Variants in LRRFIP1 observed in about 807,000 individuals in gnomAD.
LRRFIP1 encodes LRR binding FLII interacting protein 1, also known as leucine-rich repeat flightless-interacting protein 1.
LRRFIP1 carries 62 observed loss-of-function variants against 104.4 expected under a neutral mutation model. That is an observed-to-expected ratio of 0.59 (90% CI 0.48 to 0.73). The LOEUF (loss-of-function observed/expected upper bound fraction) is 0.73. Among genes scored for constraint, LRRFIP1 ranks in the 30% least tolerant of loss-of-function variants. LRRFIP1 has a pLI of 0.00. For missense variants in LRRFIP1, 796 were observed against 824.5 expected (o/e 0.97, Z 0.42); for synonymous variants, 300 against 299.0 (o/e 1.00, Z -0.03).
At chr2:237,628,620 C>T (rs2081928296) in intron 1 of LRRFIP1, among the ~76,000 whole-genome samples, 1 of 152,142 alleles carries the variant, frequency 6.6e-6, no homozygotes, top group South Asian at 2.1e-4. Context: ...AACTGTGTGC[C>T]AGGTGGGTGT....
intron 1 of LRRFIP1, among the ~76,000 whole-genome samples, chr2:237,702,366 ACT>A (rs930215121): frequency 6.6e-6 from 1 of 151,788 alleles, no homozygotes; most frequent in African/African-American, 2.4e-5. Context: ...TTCCTGTAAA[ACT>A]CTGTCTGTGG....
chr2:237,772,842 T>G (rs777597771), intron 21 of LRRFIP1, 24 bp from the exon 22 acceptor site: 1 of 1,537,036 alleles, frequency 6.5e-7, no homozygotes, highest in South Asian at 1.1e-5. Flanking sequence ...GCTTAACAGA[T>G]TTTCCTTCTC....
At chr2:237,647,706 G>A (rs550433704) in intron 1 of LRRFIP1, among the ~76,000 whole-genome samples, 1 of 114,322 alleles carries the variant, frequency 8.7e-6, no homozygotes, top group Admixed American at 8.0e-5. Context: ...TCACCCCGTG[G>A]CCGGCCACTC....
intron 1 of LRRFIP1, among the ~76,000 whole-genome samples, chr2:237,706,518 C>T (rs1048728350): frequency 3.3e-5 from 5 of 152,212 alleles, no homozygotes; most frequent in Non-Finnish European, 7.3e-5. Flanking sequence ...GGAAGGGCTG[C>T]ACTTGGCGTG....
At chr2:237,733,650 C>T in intron 8 of LRRFIP1, 124 bp from the exon 9 acceptor site, 1 of 898,948 alleles carries the variant, frequency 1.1e-6, no homozygotes. Flanking sequence ...CGGTTTGTTT[C>T]TGTTTAACCA....
intron 6 of LRRFIP1, among the ~76,000 whole-genome samples, chr2:237,723,310 G>A (rs2094600716): frequency 6.6e-6 from 1 of 152,180 alleles, no homozygotes; most frequent in Admixed American, 6.5e-5. Flanking sequence ...TTCAGACTTT[G>A]TGAATTATAG....
chr2:237,697,621 C>T (rs1213165742), intron 1 of LRRFIP1, among the ~76,000 whole-genome samples: 4 of 152,172 alleles, frequency 2.6e-5, no homozygotes, highest in Admixed American at 6.5e-5. Context: ...GTGTGCTGCC[C>T]TGGTGCTGGT....
At chr2:237,675,001 G>T (rs559598816) in intron 1 of LRRFIP1, among the ~76,000 whole-genome samples, 1 of 152,232 alleles carries the variant, frequency 6.6e-6, no homozygotes, top group Non-Finnish European at 1.5e-5. Context: ...CCCGGAGCAC[G>T]CTGCTTCCTG....
chr2:237,748,339 A>C (rs1199228276), intron 11 of LRRFIP1, 25 bp from the exon 12 acceptor site: 10 of 1,553,238 alleles, frequency 6.4e-6, no homozygotes, highest in African/African-American at 1.4e-5. Context: ...AAAGTATTTA[A>C]TATTTTGTCT....
intron 1 of LRRFIP1, among the ~76,000 whole-genome samples, chr2:237,670,974 G>T (rs927746208): frequency 6.6e-6 from 1 of 152,196 alleles, no homozygotes; most frequent in Non-Finnish European, 1.5e-5. Flanking sequence ...GACAGAGGCT[G>T]CTGGCACTAA....
At chr2:237,663,485 T>C (rs940815570) in intron 1 of LRRFIP1, among the ~76,000 whole-genome samples, 1 of 152,148 alleles carries the variant, frequency 6.6e-6, no homozygotes, top group Non-Finnish European at 1.5e-5. Flanking sequence ...ACCCCTTCTA[T>C]GAACAAGAAA....
At chr2:237,637,030 C>T (rs1204673558) in intron 1 of LRRFIP1, among the ~76,000 whole-genome samples, 2 of 152,090 alleles carry the variant, frequency 1.3e-5, no homozygotes, top group South Asian at 2.1e-4. Flanking sequence ...CAGGGAAGAA[C>T]GGCTAACCTC....
Position 237,694,312 on chromosome 2 carries a change from A to G in LRRFIP1, c.97-14232A>G, listed in dbSNP as rs118150282. 2.8e-3 allele frequency among the ~76,000 whole-genome samples: 426 copies of G among 152,308 alleles called. 10 individuals are homozygous for G. In the East Asian group the frequency reaches 0.046, roughly 17 times the overall value. Reference sequence around the variant, plus strand: ...CATGGCCCCAAGGGTTTTCAGAGAGAAGTTGTGAACCTGTAGGAGCTTTTC... The same window carrying G: ...CATGGCCCCAAGGGTTTTCAGAGAGGAGTTGTGAACCTGTAGGAGCTTTTC... On this transcript the variant is annotated intron_variant, in intron 1 of 23. Coordinates refer to ENST00000308482, the MANE Select transcript of LRRFIP1 (RefSeq NM_001137550.2).
intron 11 of LRRFIP1, among the ~76,000 whole-genome samples, chr2:237,744,402 C>G (rs2057529233): frequency 6.6e-6 from 1 of 151,108 alleles, no homozygotes; most frequent in Non-Finnish European, 1.5e-5. Context: ...TAGGGTCTCT[C>G]TGGGTACGTG....
rs2085567778 is a variant in LRRFIP1 at position 237,649,623 on chromosome 2, A to G, written c.96+21883A>G. 6.6e-6 allele frequency among the ~76,000 whole-genome samples: 1 copy of G among 151,950 alleles called. No individual in the cohort carries two copies. Among genetic ancestry groups the G allele is most frequent in the Non-Finnish European group, 1.5e-5 (1 of 67,928 alleles). On this transcript the variant is annotated intron_variant, in intron 1 of 23. Coordinates refer to ENST00000308482, the MANE Select transcript of LRRFIP1 (RefSeq NM_001137550.2). This position sits in a 1 kb window ranked among gnomAD's most constrained non-coding sequence, Gnocchi z 4.1. ...TTCACAGGTGTTTTGTTTTTCTGAG[A>G]AGAAGGTGACTTTTCCCGGTTGCTG...
In LRRFIP1 at chr2:237,719,599, A is replaced by G. The variant is rs538040624; in HGVS notation, c.294+32A>G. On this transcript the variant is annotated intron_variant, in intron 5 of 23. Transcript: ENST00000308482. ...ACCGTGTTCATTCATTACTTGGGCA[A>G]TTTGATTGAATTCTAATTTATGCTT... is the stretch of plus-strand genomic sequence containing the variant. 27 of 1,549,162 alleles carry G rather than the reference A, an allele frequency of 1.7e-5. No individual in the cohort carries two copies. In the Admixed American group the frequency reaches 3.6e-4, roughly 21 times the overall value.
At chr2:237,644,221 G>T (rs2084502473) in intron 1 of LRRFIP1, among the ~76,000 whole-genome samples, 4 of 152,250 alleles carry the variant, frequency 2.6e-5, no homozygotes, top group Admixed American at 2.6e-4. Context: ...GGCGCGATGA[G>T]CTCGCACTCC....
rs1559468860 is a variant in LRRFIP1, at chr2:237,649,375, C to T, written c.96+21635C>T. On this transcript the variant is annotated intron_variant, in intron 1 of 23. Coordinates refer to ENST00000308482, the MANE Select transcript of LRRFIP1 (RefSeq NM_001137550.2). The surrounding 1 kb of genome is among the most constrained non-coding windows in gnomAD (Gnocchi z 4.1). The stretch of plus-strand genomic sequence containing the variant: ...TGAAACCCCATCTCTACTAAAAACA[C>T]AAAAAATTAGCCAGGCATAGTGGTG... 6.6e-6 allele frequency among the ~76,000 whole-genome samples: 1 copy of T among 151,956 alleles called. No homozygotes were observed. The highest frequency in any genetic ancestry group is 2.4e-5 in the African/African-American group (1 of 41,426).
chr2:237,701,198 G>A (rs1228426299), intron 1 of LRRFIP1, among the ~76,000 whole-genome samples: 3 of 152,212 alleles, frequency 2.0e-5, no homozygotes, highest in Non-Finnish European at 4.4e-5. Context: ...AGCAGTCAGG[G>A]CCCCTGCCCC....
Sources: allele counts gnomAD v4.1 joint callset (sites outside exome capture counted in the v4.1 genomes callset), GRCh38; gene constraint gnomAD v4.1.1; non-coding constraint Gnocchi (gnomAD v3.1); transcripts MANE v1.5; gene names NCBI Gene and HGNC (gene_info 2026-07-23, HGNC 2026-07-21).